DMD: variants seen among roughly 807,000 people sequenced by gnomAD.
The protein encoded by DMD is dystrophin.
A neutral mutation model predicts 330.1 loss-of-function variants in DMD; 63 were observed. That is an observed-to-expected ratio of 0.19 (90% CI 0.16 to 0.24). DMD has a LOEUF of 0.24. Ranked by LOEUF, DMD falls within the 10% of genes least tolerant of loss-of-function variation. DMD has a pLI of 1.00. For synonymous variants in DMD, 1,223 were observed against 959.8 expected (o/e 1.27, Z -5.07); for missense variants, 3,344 against 2,684.1 (o/e 1.25, Z -5.43).
In DMD at chrX:32,503,616, C is replaced by A. The variant is rs754762820; in HGVS notation, c.2293-1774G>T. ...TGTCGCCCAGGCTGGAGTGCAGTGG[C>A]ATGATCTCAGCTCACTGCAACCTCT... On this transcript the variant is annotated intron_variant, in intron 18 of 78. Coordinates refer to ENST00000357033, the MANE Select transcript of DMD (RefSeq NM_004006.3). 9.0e-5 allele frequency among the ~76,000 whole-genome samples: 10 copies of A among 111,325 alleles called. 1 individual carries two copies. The highest frequency in any genetic ancestry group is 3.3e-4 in the African/African-American group (10 of 30,611).
At chrX:31,756,321 T>TATC (rs201651220) in intron 51 of DMD, among the ~76,000 whole-genome samples, 14,275 of 112,022 alleles carry the variant, frequency 0.13, 670 homozygotes, top group Admixed American at 0.19. Context: ...TATTTTAATG[T>TATC]ATCATTTTTC....
At chrX:31,221,383 A>G (rs2046013658) in intron 64 of DMD, among the ~76,000 whole-genome samples, 1 of 112,349 alleles carries the variant, frequency 8.9e-6, no homozygotes, top group African/African-American at 3.2e-5. Context: ...CCATACTGAC[A>G]TATTTTCAGT....
intron 44 of DMD, among the ~76,000 whole-genome samples, chrX:32,163,003 C>T (rs763022529): frequency 5.4e-5 from 6 of 111,578 alleles, no homozygotes; most frequent in Non-Finnish European, 7.5e-5. Context: ...TACTTTCATC[C>T]AACTGCACTC....
At chrX:31,576,910 T>C (rs1007223479) in intron 55 of DMD, among the ~76,000 whole-genome samples, 16 of 110,335 alleles carry the variant, frequency 1.5e-4, no homozygotes, top group African/African-American at 4.9e-4. Flanking sequence ...AGAGACAGGG[T>C]TTCACCGTGT....
chrX:32,536,264 C>CAAAAAAAAAAAAAAA (rs1191335690), intron 17 of DMD, among the ~76,000 whole-genome samples: 8 of 36,357 alleles, frequency 2.2e-4, no homozygotes, highest in African/African-American at 8.3e-4. Flanking sequence ...ACTCCGTCTC[C>CAAAAAAAAAAAAAAA]AAAAAAAAAA....
At chrX:31,772,591 A>G (rs2090408696) in intron 51 of DMD, among the ~76,000 whole-genome samples, 1 of 111,483 alleles carries the variant, frequency 9.0e-6, no homozygotes, top group African/African-American at 3.3e-5. Flanking sequence ...TACAGTTATT[A>G]CCGCAGCAAT....
intron 2 of DMD, among the ~76,000 whole-genome samples, chrX:32,904,645 C>T (rs1304077404): frequency 3.6e-5 from 4 of 112,132 alleles, no homozygotes; most frequent in Admixed American, 1.9e-4. Flanking sequence ...CGGATCTCTG[C>T]TCACTGCAAC....
At chrX:32,540,733 T>C (rs1351029519) in intron 17 of DMD, among the ~76,000 whole-genome samples, 2 of 111,701 alleles carry the variant, frequency 1.8e-5, no homozygotes, top group African/African-American at 6.5e-5. Flanking sequence ...CAATGAGAAA[T>C]TTTATGTGAG....
intron 1 of DMD, among the ~76,000 whole-genome samples, chrX:33,257,869 C>T (rs1236208602): frequency 9.1e-6 from 1 of 110,476 alleles, no homozygotes; most frequent in Non-Finnish European, 1.9e-5. Context: ...GGTGCCATAG[C>T]CTCAAATACC....
intron 7 of DMD, among the ~76,000 whole-genome samples, chrX:32,776,302 C>A (rs1176318349): frequency 9.3e-6 from 1 of 108,086 alleles, no homozygotes; most frequent in East Asian, 3.0e-4. Context: ...CAAATTGTTC[C>A]AACCTCTGCC....
chrX:32,252,816 G>GTATATAAATATATATAAATACATATAAA (rs2097277642), intron 43 of DMD, among the ~76,000 whole-genome samples: 4 of 17,947 alleles, frequency 2.2e-4, no homozygotes, highest in African/African-American at 1.2e-3. Flanking sequence ...ATATATATAA[G>GTATATAAATATATATAAATACATATAAA]TATATAAATA....
chrX:31,210,788 A>G (rs1399203190), intron 64 of DMD, among the ~76,000 whole-genome samples: 2 of 112,811 alleles, frequency 1.8e-5, no homozygotes, highest in Non-Finnish European at 3.7e-5. Context: ...AGGCTTTAGT[A>G]TATTTTACAA....
chrX:33,313,305 C>T (rs2053877743), intron 1 of DMD, among the ~76,000 whole-genome samples: 1 of 111,730 alleles, frequency 9.0e-6, no homozygotes, highest in Non-Finnish European at 1.9e-5. Context: ...ATGGTTAAAT[C>T]CTTTCATCCC....
chrX:32,048,671 C>G (rs1261734890), intron 44 of DMD, among the ~76,000 whole-genome samples: 1 of 110,270 alleles, frequency 9.1e-6, no homozygotes, highest in Non-Finnish European at 1.9e-5. Context: ...GGTTCTTTGC[C>G]TCCCCTGCTA....
At chrX:32,899,446 C>T (rs1012160165) in intron 2 of DMD, among the ~76,000 whole-genome samples, 1 of 110,089 alleles carries the variant, frequency 9.1e-6, no homozygotes, top group African/African-American at 3.3e-5. Context: ...GAGGCTGAGG[C>T]GGGCGGATCA....
chrX:31,278,631 G>A (rs982996024), intron 62 of DMD, among the ~76,000 whole-genome samples: 1 of 112,145 alleles, frequency 8.9e-6, no homozygotes, highest in Non-Finnish European at 1.9e-5. Context: ...GTTAAGGGGA[G>A]TAACAGGTAG....
chrX:32,480,188 T>C (rs970867211), intron 21 of DMD, among the ~76,000 whole-genome samples: 2 of 111,461 alleles, frequency 1.8e-5, no homozygotes, highest in Non-Finnish European at 3.8e-5. Context: ...ATCAGAAAAA[T>C]GTGAAAACCA....
At chrX:32,643,513 A>T (rs2146808553) in intron 11 of DMD, among the ~76,000 whole-genome samples, 1 of 111,449 alleles carries the variant, frequency 9.0e-6, no homozygotes, top group South Asian at 3.8e-4. Flanking sequence ...ACACCTAACA[A>T]TATAAATCAA....
chrX:31,777,756 G>A (rs1319326062), intron 50 of DMD, among the ~76,000 whole-genome samples: 1 of 111,854 alleles, frequency 8.9e-6, no homozygotes. Context: ...ATTGTGTTAC[G>A]GATTTTATGA....
Sources: gnomAD v4.1 joint callset for allele counts (sites outside exome capture counted in the v4.1 genomes callset) on GRCh38, gnomAD v4.1.1 for gene constraint, MANE v1.5 for transcripts, NCBI Gene and HGNC (gene_info 2026-07-23, HGNC 2026-07-21) for gene names.